Variants in BPIFA2 observed in about 807,000 individuals in gnomAD.
The protein encoded by BPIFA2 is BPI fold containing family A member 2.
In BPIFA2, 20 loss-of-function variants were observed where a neutral mutation model predicts 25.7. The ratio of observed to expected loss-of-function variants is 0.78; its 90% CI spans 0.55 to 1.13. BPIFA2 has a LOEUF of 1.13. Among genes scored for constraint, BPIFA2 ranks in the 50% most tolerant of loss-of-function variants. The pLI is 0.00. For synonymous variants in BPIFA2, 126 were observed against 124.3 expected, an observed-to-expected ratio of 1.01 and a Z score of -0.09; for missense variants, 300 against 298.1, an observed-to-expected ratio of 1.01 and a Z score of -0.05.
At chr20:33,170,482 C>T (rs1478061527) in intron 2 of BPIFA2, among the ~76,000 whole-genome samples, 1 of 152,196 alleles carries the variant, frequency 6.6e-6, no homozygotes, top group African/African-American at 2.4e-5. Flanking sequence ...CAGCCTCAAC[C>T]TCCTGGGCTC....
intron 3 of BPIFA2, among the ~76,000 whole-genome samples, chr20:33,173,796 G>A (rs1983982603): frequency 6.6e-6 from 1 of 152,170 alleles, no homozygotes; most frequent in South Asian, 2.1e-4. Flanking sequence ...GAGTCACCGT[G>A]CCCGGTCCCA....
At chr20:33,165,304 G>C (rs1983691052), upstream of BPIFA2, among the ~76,000 whole-genome samples, 1 of 152,250 alleles carries the variant, frequency 6.6e-6, no homozygotes, top group Non-Finnish European at 1.5e-5. Flanking sequence ...GTACTTGACT[G>C]ATTTCACAGG....
upstream of BPIFA2, among the ~76,000 whole-genome samples, chr20:33,165,755 C>T (rs565660348): frequency 2.0e-5 from 3 of 152,168 alleles, no homozygotes; most frequent in African/African-American, 7.2e-5. Context: ...ATTCATCTCG[C>T]GACCCTCATG....
chr20:33,172,866 G>C (rs2146453170), intron 2 of BPIFA2, 66 bp from the exon 3 acceptor site: 1 of 1,543,998 alleles, frequency 6.5e-7, no homozygotes, highest in African/African-American at 1.4e-5. Flanking sequence ...GTCTTACCCG[G>C]TACCTGGAGC....
intron 5 of BPIFA2, among the ~76,000 whole-genome samples, chr20:33,177,374 T>C (rs1193511791): frequency 2.0e-5 from 3 of 149,472 alleles, no homozygotes; most frequent in Non-Finnish European, 4.4e-5. Context: ...AAAAAAAGTG[T>C]ATTGAGCATC....
At position 33,173,079 on chromosome 20, in the gene BPIFA2, G is replaced by A. The variant is rs1983956830; in HGVS notation, c.302+3G>A. On this transcript the variant is annotated splice_donor_region_variant and intron_variant, in intron 3 of 8. Coordinates refer to ENST00000354932, the MANE Select transcript of BPIFA2 (RefSeq NM_080574.4). ...CCAACTAACACGGACATTTTTGGGTGAGTTGGTCCTTCAGGGTGGAGATCT... is the reference window on the plus strand; with the variant it reads ...CCAACTAACACGGACATTTTTGGGTAAGTTGGTCCTTCAGGGTGGAGATCT... The A allele has an allele frequency of 2.5e-6, 4 of 1,613,554 alleles. No homozygotes were observed. The highest frequency in any genetic ancestry group is 2.7e-5 in the African/African-American group (2 of 75,014).
chr20:33,177,422 G>A (rs141514518), intron 5 of BPIFA2, among the ~76,000 whole-genome samples: 97 of 152,172 alleles, frequency 6.4e-4, no homozygotes, highest in African/African-American at 2.1e-3. Context: ...GGGCTCTGGA[G>A]AACTGATTGG....
chr20:33,177,530 C>T (rs1393948045), intron 5 of BPIFA2, among the ~76,000 whole-genome samples: 1 of 152,180 alleles, frequency 6.6e-6, no homozygotes, highest in Non-Finnish European at 1.5e-5. Context: ...CACCACTCTA[C>T]AGCTCCAAAT....
rs936067141 is a variant in BPIFA2, at chr20:33,172,318, A to T, written c.158-614A>T. Among the ~76,000 whole-genome samples, 7 of 152,286 alleles carry T rather than the reference A, an allele frequency of 4.6e-5. No individual in the cohort carries two copies. In the East Asian group the frequency reaches 1.4e-3, roughly 29 times the overall value. ...GGCTTAAAACCTAGATGACGGGTTG[A>T]TAGGTGCGGCAAACTACCATGGCAC... On this transcript the variant is annotated intron_variant, in intron 2 of 8. Transcript: ENST00000354932.
rs541481957 is a variant in BPIFA2 at position 33,171,905 on chromosome 20, T to A, written c.158-1027T>A. 8.5e-4 allele frequency among the ~76,000 whole-genome samples: 129 copies of A among 152,306 alleles called. 1 individual carries two copies. Among genetic ancestry groups the A allele is most frequent in the Non-Finnish European group, 1.7e-3 (117 of 68,028 alleles). ...ATTACTGGGTATATCCCCAGAGGAATATAAAACATTCTACTATAAAGACAC... is the reference window on the plus strand; with the variant it reads ...ATTACTGGGTATATCCCCAGAGGAAAATAAAACATTCTACTATAAAGACAC... On this transcript the variant is annotated intron_variant, in intron 2 of 8. Transcript: ENST00000354932.
chr20:33,172,275 A>G (rs530978759), intron 2 of BPIFA2, among the ~76,000 whole-genome samples: 21 of 152,108 alleles, frequency 1.4e-4, no homozygotes, highest in Non-Finnish European at 2.8e-4. Context: ...AATTAGGACA[A>G]ATACCTAATG....
At chr20:33,178,415 A>G (rs777951400) in intron 6 of BPIFA2, among the ~76,000 whole-genome samples, 187 bp downstream of exon 6, 3 of 152,200 alleles carry the variant, frequency 2.0e-5, no homozygotes, top group Non-Finnish European at 4.4e-5. Context: ...GAGGCCTGAC[A>G]TTAGCTGAAA....
intron 6 of BPIFA2, 112 bp from the exon 7 acceptor site, chr20:33,179,492 C>T (rs1381441759): frequency 2.4e-6 from 2 of 839,928 alleles, no homozygotes; most frequent in East Asian, 2.5e-5. Context: ...ATTCTAAGAT[C>T]CCTAGAAATG....
Position 33,180,565 on chromosome 20 carries a change from G to A in BPIFA2, c.*5G>A, listed in dbSNP as rs373405970. ...CAGCTGCAAACCCTCATCTGAAGAG[G>A]ACGAATGAGGAGGACCACTGTGGTG... On this transcript the variant is annotated 3_prime_UTR_variant, in exon 8 of 9. Transcript: ENST00000354932. 3 of 1,611,630 alleles carry A rather than the reference G, an allele frequency of 1.9e-6. No individual in the cohort carries two copies. Among genetic ancestry groups the A allele is most frequent in the Non-Finnish European group, 2.5e-6 (3 of 1,177,850 alleles).
chr20:33,176,063 A>G (rs534585504), intron 5 of BPIFA2, among the ~76,000 whole-genome samples: 3 of 152,300 alleles, frequency 2.0e-5, no homozygotes, highest in Admixed American at 6.5e-5. Flanking sequence ...CTCAATAATA[A>G]TAATAATAAT....
intron 5 of BPIFA2, among the ~76,000 whole-genome samples, chr20:33,176,543 C>T (rs146687421): frequency 6.4e-4 from 97 of 152,322 alleles, no homozygotes; most frequent in African/African-American, 1.9e-3. Context: ...ATGTGAGTTG[C>T]GAAGGCCGGG....
intron 7 of BPIFA2, among the ~76,000 whole-genome samples, chr20:33,179,996 C>T (rs1984219017): frequency 6.6e-6 from 1 of 151,970 alleles, no homozygotes; most frequent in Non-Finnish European, 1.5e-5. Flanking sequence ...GGTGGGCAGA[C>T]CACTTGAGTT....
intron 5 of BPIFA2, 79 bp downstream of exon 5, chr20:33,175,638 A>AGGT: frequency 1.3e-5 from 18 of 1,431,722 alleles, no homozygotes; most frequent in Non-Finnish European, 1.4e-5. Context: ...TCCTCTACCT[A>AGGT]AGAGGAGGCC....
rs186551834 is a variant in BPIFA2, at chr20:33,178,121, C to A, written c.564-26C>A. 1.7e-5 allele frequency: 27 copies of A among 1,559,462 alleles called. No homozygotes were observed. The African/African-American group carries it at 2.2e-4, about 13-fold the overall frequency. The stretch of plus-strand genomic sequence containing the variant: ...CCCATCTCTTGCCCACTTGACCAGA[C>A]TTTAATAGTTCCCTGTGTTTTCCAG... On this transcript the variant is annotated intron_variant, in intron 5 of 8. Transcript: ENST00000354932.
Sources: gnomAD v4.1 joint callset for allele counts (sites outside exome capture counted in the v4.1 genomes callset) on GRCh38, gnomAD v4.1.1 for gene constraint, MANE v1.5 for transcripts, NCBI Gene and HGNC (gene_info 2026-07-23, HGNC 2026-07-21) for gene names.